Variants in RABGAP1 observed in about 807,000 individuals in gnomAD.
RABGAP1 encodes rab GTPase-activating protein 1.
Under a neutral mutation model 137.6 loss-of-function variants are expected in RABGAP1, and 23 were observed. That is an observed-to-expected ratio of 0.17 (90% confidence interval 0.12 to 0.24). The LOEUF (loss-of-function observed/expected upper bound fraction) is 0.24. RABGAP1 is among the 10% of genes least tolerant of loss of function. The pLI is 1.00. For missense variants in RABGAP1, 906 were observed against 1,275.8 expected, an observed-to-expected ratio of 0.71 and a Z score of 4.42; for synonymous variants, 451 against 450.7, an observed-to-expected ratio of 1.00 and a Z score of -0.01.
chr9:123,057,173 G>A (rs1470175568), intron 13 of RABGAP1, among the ~76,000 whole-genome samples: 6 of 151,408 alleles, frequency 4.0e-5, no homozygotes, highest in South Asian at 2.1e-4. Context: ...CCTCCCTCCC[G>A]GACAGGGTGG....
At position 123,077,508 on chromosome 9, in the gene RABGAP1, T is replaced by C. The variant is rs114642659; in HGVS notation, c.2424+746T>C. Among the ~76,000 whole-genome samples the C allele has an allele frequency of 1.7e-3, 256 of 152,272 alleles. 1 individual carries two copies. Among genetic ancestry groups the C allele is most frequent in the African/African-American group, 5.9e-3 (244 of 41,560 alleles). On this transcript the variant is annotated intron_variant, in intron 19 of 25. Coordinates refer to ENST00000373647, the MANE Select transcript of RABGAP1 (RefSeq NM_012197.4). The stretch of plus-strand genomic sequence containing the variant: ...TCCCTAAAACAAAGCTAATAATACA[T>C]GAAGAAAACTCAGTTTTATCACTTC...
intron 21 of RABGAP1, among the ~76,000 whole-genome samples, chr9:123,093,671 G>A (rs908528999): frequency 1.3e-5 from 2 of 152,200 alleles, no homozygotes; most frequent in Non-Finnish European, 2.9e-5. Context: ...CTGTTTCTGT[G>A]TCTATCCTTA....
chr9:123,082,162 C>T (rs1405425981), intron 19 of RABGAP1, among the ~76,000 whole-genome samples: 3 of 151,610 alleles, frequency 2.0e-5, no homozygotes, highest in Admixed American at 6.6e-5. Context: ...TTCTCCTATT[C>T]TCCCTCTTTC....
intron 13 of RABGAP1, among the ~76,000 whole-genome samples, chr9:123,043,304 G>A (rs78625083): frequency 0.017 from 2,611 of 152,218 alleles, 85 homozygotes; most frequent in African/African-American, 0.06. Context: ...CTATGCAGGA[G>A]ACCTAGAGAG....
intron 3 of RABGAP1, among the ~76,000 whole-genome samples, chr9:122,984,997 A>C (rs200736040): frequency 1.1e-4 from 16 of 151,568 alleles, no homozygotes; most frequent in Non-Finnish European, 2.2e-4. Flanking sequence ...TTTTCCCCCC[A>C]GGAATGCTTA....
intron 13 of RABGAP1, among the ~76,000 whole-genome samples, chr9:123,043,218 A>G (rs745817779): frequency 1.1e-4 from 17 of 152,228 alleles, no homozygotes; most frequent in Non-Finnish European, 2.2e-4. Context: ...GAGATACAGA[A>G]TCCAGGAAAC....
chr9:123,084,407 AC>A (rs2034806080), intron 19 of RABGAP1, among the ~76,000 whole-genome samples: 1 of 151,928 alleles, frequency 6.6e-6, no homozygotes, highest in African/African-American at 2.4e-5. Context: ...ACTCTTTCTT[AC>A]CCCCCACTGT....
intron 2 of RABGAP1, among the ~76,000 whole-genome samples, chr9:122,966,483 A>G (rs1365356717): frequency 6.6e-6 from 1 of 152,136 alleles, no homozygotes; most frequent in Non-Finnish European, 1.5e-5. Flanking sequence ...ACATTGTGCC[A>G]TTGCCCCCCA....
chr9:123,076,684 C>A lies in RABGAP1; in HGVS notation c.2346C>A (p.Phe782Leu), dbSNP rs1234603774. ...CAGACTTTGAAGGTGCCTTGAAGTTCTTTAGGGTTCAGCTTCCTAAGAGAT... is the reference window on the plus strand; with the variant it reads ...CAGACTTTGAAGGTGCCTTGAAGTTATTTAGGGTTCAGCTTCCTAAGAGAT... ...LLTDFEGALKFFRVQLPKRYR... is the reference protein window; with the variant it reads ...LLTDFEGALKLFRVQLPKRYR... The change falls in exon 19 of 26, where the codon TTC (phenylalanine) becomes TTA (leucine). Residue 782 changes from phenylalanine to leucine, a missense_variant. Physicochemically the swap from Phe to Leu is conservative, Grantham distance 22. This residue lies in a region of RABGAP1 where 77 missense variants were observed against 105.6 expected (regional missense o/e 0.73). Transcript: ENST00000373647. 1.9e-6 allele frequency: 3 copies of A among 1,608,934 alleles called. No homozygotes were observed. Among genetic ancestry groups the A allele is most frequent in the Non-Finnish European group, 2.5e-6 (3 of 1,177,612 alleles).
intron 2 of RABGAP1, among the ~76,000 whole-genome samples, chr9:122,975,054 T>C (rs1835692339): frequency 1.3e-5 from 2 of 152,230 alleles, no homozygotes; most frequent in Admixed American, 6.5e-5. Context: ...TCTTAATTGC[T>C]CAGCTTTTAC....
At chr9:123,092,829 C>T (rs970426718) in intron 21 of RABGAP1, among the ~76,000 whole-genome samples, 2 of 152,208 alleles carry the variant, frequency 1.3e-5, no homozygotes, top group Non-Finnish European at 2.9e-5. Flanking sequence ...AAATATCCCA[C>T]ACAGATCACC....
Position 123,103,218 on chromosome 9 carries a change from A to C in RABGAP1, c.*5A>C. On this transcript the variant is annotated 3_prime_UTR_variant, in exon 26 of 26. Coordinates refer to ENST00000373647, the MANE Select transcript of RABGAP1 (RefSeq NM_012197.4). ...CAAGGGAAAGAGACTTGCTGAGAGCAGCTGCCGCCTCCCGACACCTTCAGA... is the reference window on the plus strand; with the variant it reads ...CAAGGGAAAGAGACTTGCTGAGAGCCGCTGCCGCCTCCCGACACCTTCAGA... The C allele has an allele frequency of 6.2e-7, 1 of 1,613,604 alleles. No individual in the cohort carries two copies. The highest frequency in any genetic ancestry group is 8.5e-7 in the Non-Finnish European group (1 of 1,179,796).
intron 4 of RABGAP1, among the ~76,000 whole-genome samples, chr9:122,988,438 T>C (rs1836478783): frequency 6.6e-6 from 1 of 152,176 alleles, no homozygotes; most frequent in Non-Finnish European, 1.5e-5. Context: ...TAAGTAGATT[T>C]TTGAATGAAT....
chr9:123,062,559 T>A (rs1304893689), intron 13 of RABGAP1: 1 of 152,210 alleles, frequency 6.6e-6, no homozygotes, highest in Non-Finnish European at 1.5e-5. Context: ...ATGATTCACA[T>A]GGAACTCCTC....
intron 19 of RABGAP1, among the ~76,000 whole-genome samples, chr9:123,083,350 C>T (rs80041080): frequency 0.01 from 1,544 of 152,314 alleles, 5 homozygotes; most frequent in Non-Finnish European, 0.015. Context: ...ATAACTAGAC[C>T]AGACTGTAGT....
At chr9:122,997,891 T>C (rs986614893) in intron 9 of RABGAP1, among the ~76,000 whole-genome samples, 5 of 152,086 alleles carry the variant, frequency 3.3e-5, no homozygotes, top group African/African-American at 1.2e-4. Flanking sequence ...TATTGAGCAT[T>C]TTTCCCCCCT....
At chr9:122,966,010 A>G (rs1371551938) in intron 2 of RABGAP1, among the ~76,000 whole-genome samples, 1 of 152,178 alleles carries the variant, frequency 6.6e-6, no homozygotes, top group Non-Finnish European at 1.5e-5. Flanking sequence ...CTAAATCTGA[A>G]CTAAAAAGTA....
At chr9:122,992,119 C>T (rs1430221275) in intron 6 of RABGAP1, among the ~76,000 whole-genome samples, 1 of 152,050 alleles carries the variant, frequency 6.6e-6, no homozygotes, top group African/African-American at 2.4e-5. Flanking sequence ...TCACCGCAAC[C>T]TCTGTCTCCC....
At chr9:123,073,496 T>G in intron 15 of RABGAP1, 56 bp from the exon 16 acceptor site, 2 of 1,568,254 alleles carry the variant, frequency 1.3e-6, no homozygotes, top group South Asian at 2.4e-5. Flanking sequence ...CTTCTGTATG[T>G]TTTGTGATTC....
Sources: gnomAD v4.1 joint callset for allele counts (sites outside exome capture counted in the v4.1 genomes callset) on GRCh38, gnomAD v4.1.1 for gene constraint, gnomAD v4.1.1 regional missense constraint, MANE v1.5 for transcripts, NCBI Gene and HGNC (gene_info 2026-07-23, HGNC 2026-07-21) for gene names.